Variants in MDN1 observed in about 807,000 individuals in gnomAD.
MDN1 encodes the protein midasin.
MDN1 carries 266 observed loss-of-function variants against 669.2 expected under a neutral mutation model. That is an observed-to-expected ratio of 0.40 (90% CI 0.36 to 0.44). The LOEUF (loss-of-function observed/expected upper bound fraction) is 0.44. Among genes scored for constraint, MDN1 ranks in the 20% least tolerant of loss-of-function variants. The probability of loss-of-function intolerance (pLI) is 1.00; values close to 1 mark genes in which losing one functional copy is unlikely to be tolerated. For synonymous variants in MDN1, 2,385 were observed against 2,457.1 expected (o/e 0.97, Z 0.87); for missense variants, 5,940 against 6,754.0 (o/e 0.88, Z 4.22).
chr6:89,664,496 C>A lies in MDN1; in HGVS notation c.14227G>T (p.Glu4743Ter). 6.2e-7 allele frequency: 1 copy of A among 1,613,712 alleles called. No individual in the cohort carries two copies. Among genetic ancestry groups the A allele is most frequent in the Non-Finnish European group, 8.5e-7 (1 of 1,179,914 alleles). Reference sequence around the variant, plus strand: ...ACAGATAATCTGAAACCTTGTTCTTCAAGCTCCCCATCATGCATTTTCCCA... The same window carrying A: ...ACAGATAATCTGAAACCTTGTTCTTAAAGCTCCCCATCATGCATTTTCCCA... ...FDGKMHDGEL[E>*]EQEEDDEKSD... Residue 4743 changes from glutamate (E) to a stop codon, truncating the protein, a stop_gained, in exon 85 of 102, where the codon GAA (glutamate) becomes TAA (stop). Coordinates refer to ENST00000369393, the MANE Select transcript of MDN1 (RefSeq NM_014611.3). LOFTEE classifies it high-confidence loss of function.
At chr6:89,752,465 C>G (rs2128319080) in intron 22 of MDN1, among the ~76,000 whole-genome samples, 2 of 152,316 alleles carry the variant, frequency 1.3e-5, no homozygotes, top group South Asian at 4.2e-4. Context: ...AACTCCAAGT[C>G]CCAAGGGCTC....
In MDN1 at chr6:89,754,143, GCA is replaced by G; in HGVS notation, c.2902_2903del (p.Cys968ProfsTer20). 1 of 1,614,114 alleles carries G rather than the reference GCA, an allele frequency of 6.2e-7. No individual in the cohort carries two copies. On this transcript the variant is annotated frameshift_variant, in exon 21 of 102. Coordinates refer to ENST00000369393, the MANE Select transcript of MDN1 (RefSeq NM_014611.3). LOFTEE classifies it high-confidence loss of function. ...HRPHYSLRTL[C>X]RALRFAASNP... ...TGGAGGCTGCAAATCGCAGGGCCCG[GCA>G]CAGAGTCCGAAGGCTGTAGTGAGGT...
At chr6:89,668,667 A>C (rs1237874883) in intron 83 of MDN1, among the ~76,000 whole-genome samples, 1 of 152,262 alleles carries the variant, frequency 6.6e-6, no homozygotes, top group Non-Finnish European at 1.5e-5. Flanking sequence ...ATATACTATG[A>C]AGATATATCT....
At chr6:89,675,938 C>T (rs556367830) in intron 77 of MDN1, among the ~76,000 whole-genome samples, 164 bp downstream of exon 77, 6 of 152,292 alleles carry the variant, frequency 3.9e-5, no homozygotes, top group Admixed American at 3.9e-4. Context: ...TGATTTTGCA[C>T]AAAATTACAT....
intron 12 of MDN1, among the ~76,000 whole-genome samples, chr6:89,775,039 G>GA (rs1183077448): frequency 1.3e-5 from 2 of 151,484 alleles, no homozygotes; most frequent in African/African-American, 4.8e-5. Context: ...TAAAAGGTAA[G>GA]AAAAAAAAAT....
intron 53 of MDN1, among the ~76,000 whole-genome samples, chr6:89,705,543 T>C (rs1226038447): frequency 6.6e-6 from 1 of 152,122 alleles, no homozygotes; most frequent in Non-Finnish European, 1.5e-5. Context: ...ATCCACACAA[T>C]GGAATACTAC....
Position 89,729,069 on chromosome 6 carries a change from C to G in MDN1, c.5211G>C (p.Gln1737His). 5 of 1,614,108 alleles carry G rather than the reference C, an allele frequency of 3.1e-6. No homozygotes were observed. The highest frequency in any genetic ancestry group is 2.5e-6 in the Non-Finnish European group (3 of 1,180,016). Residue 1737 changes from glutamine (Q) to histidine (H), a missense_variant, in exon 36 of 102, where the codon CAG becomes CAC. Transcript: ENST00000369393. ...LSAGTTAMNA[Q>H]RLLRATKLKK... The stretch of plus-strand genomic sequence containing the variant: ...TCAGTTTGGTAGCTCTTAAGAGCCT[C>G]TGTGCATTCATAGCAGTGGTCCCTG...
At chr6:89,782,604 A>AAAT (rs58697438) in intron 9 of MDN1, among the ~76,000 whole-genome samples, 1,599 of 144,164 alleles carry the variant, frequency 0.011, 15 homozygotes, top group African/African-American at 0.027. Context: ...TTTCCTCAAA[A>AAAT]AATAATAATA....
At chr6:89,771,645 T>C (rs1818084114) in intron 14 of MDN1, 24 bp from the exon 15 acceptor site, 1 of 1,599,500 alleles carries the variant, frequency 6.3e-7, no homozygotes, top group Non-Finnish European at 8.6e-7. Context: ...AGTGCAAAAG[T>C]GTTACTCCAA....
At chr6:89,767,815 G>A (rs1817873358) in intron 15 of MDN1, among the ~76,000 whole-genome samples, 2 of 151,832 alleles carry the variant, frequency 1.3e-5, no homozygotes, top group Non-Finnish European at 2.9e-5. Context: ...GGAGGTCAAG[G>A]TGGGAGGATC....
intron 31 of MDN1, among the ~76,000 whole-genome samples, chr6:89,740,911 T>C (rs758879522): frequency 5.3e-5 from 8 of 152,096 alleles, no homozygotes; most frequent in Non-Finnish European, 8.8e-5. Flanking sequence ...ACACAAAGGA[T>C]TCTATTGAAT....
intron 1 of MDN1, among the ~76,000 whole-genome samples, chr6:89,813,327 A>C (rs1768574437): frequency 6.6e-6 from 1 of 152,128 alleles, no homozygotes. Context: ...AGGCAGGAGG[A>C]TCACCTGAGT....
Position 89,749,369 on chromosome 6 carries a change from C to G in MDN1, c.3616G>C (p.Val1206Leu). The G allele has an allele frequency of 1.2e-6, 2 of 1,613,900 alleles. No homozygotes were observed. The highest frequency in any genetic ancestry group is 8.5e-7 in the Non-Finnish European group (1 of 1,179,946). ...CGATTCCTGAAGGCTCTAGAAAGGA[C>G]CTAGACAAAGCACAGGAAGAATGCA... ...NPPGLYGGRKVLSRAFRNRFV... is the reference protein window; with the variant it reads ...NPPGLYGGRKLLSRAFRNRFV... The change falls in exon 26 of 102, where the codon GTC becomes CTC. Residue 1206 changes from valine (V) to leucine (L), a missense_variant and splice_region_variant. Physicochemically the swap from Val to Leu is conservative, Grantham distance 32. This residue lies in a region of MDN1 where 2,292 missense variants were observed against 2,638.3 expected (regional missense o/e 0.87). Transcript: ENST00000369393.
intron 2 of MDN1, among the ~76,000 whole-genome samples, chr6:89,796,331 AAAAAAAAAAAAAAAAAAAAC>A (rs1819598243): frequency 1.9e-5 from 2 of 106,260 alleles, no homozygotes; most frequent in East Asian, 2.3e-4. Flanking sequence ...TCTCAAAAAA[AAAAAAAAAAAAAAAAAAAAC>A]AAAAAAAAAA....
In MDN1 at chr6:89,803,318, T is replaced by C. The variant is rs1268512340; in HGVS notation, c.329+10A>G. ...CAAGGAGAAATGCGAATAATAAAAT[T>C]GCTACTCACGGGAGGACATCAGGAT... is the stretch of plus-strand genomic sequence containing the variant. On this transcript the variant is annotated intron_variant, in intron 2 of 101. Coordinates refer to ENST00000369393, the MANE Select transcript of MDN1 (RefSeq NM_014611.3). 1.9e-6 allele frequency: 3 copies of C among 1,608,314 alleles called. No homozygotes were observed. The highest frequency in any genetic ancestry group is 1.7e-6 in the Non-Finnish European group (2 of 1,174,784).
rs115635255 is a variant in MDN1, at chr6:89,664,562, T to C, written c.14161A>G (p.Lys4721Glu). ...ATCTCAATGGCATTATCCTCGCCCT[T>C]AATATCAGATTTTGAATCAGGATCC... is the stretch of plus-strand genomic sequence containing the variant. The part of the protein sequence containing the change: ...KEDPDSKSDI[K>E]GEDNAIEMSE... Residue 4721 changes from lysine to glutamate, a missense_variant, in exon 85 of 102, where the codon AAG (lysine) becomes GAG (glutamate). Coordinates refer to ENST00000369393, the MANE Select transcript of MDN1 (RefSeq NM_014611.3). 1.5e-5 allele frequency: 25 copies of C among 1,613,764 alleles called. No individual in the cohort carries two copies. In the African/African-American group the frequency reaches 2.1e-4, roughly 14 times the overall value.
chr6:89,670,170 A>ATATTTTTTTTTTTTTT (rs1444537561), intron 83 of MDN1, among the ~76,000 whole-genome samples: 4 of 23,412 alleles, frequency 1.7e-4, no homozygotes, highest in African/African-American at 7.7e-4. Context: ...ATATATATAT[A>ATATTTTTTTTTTTTTT]TTTTTTTTTT....
chr6:89,716,886 T>G, intron 43 of MDN1, 77 bp from the exon 44 acceptor site: 1 of 1,415,402 alleles, frequency 7.1e-7, no homozygotes, highest in Non-Finnish European at 9.4e-7. Context: ...AAAAGGAAGC[T>G]TGATACTTCT....
At chr6:89,660,314 A>C (rs1809641241) in intron 88 of MDN1, among the ~76,000 whole-genome samples, 3 of 152,018 alleles carry the variant, frequency 2.0e-5, no homozygotes, top group South Asian at 4.1e-4. Flanking sequence ...GCTCCTGAGG[A>C]GCTGGGACTA....
Sources: gnomAD v4.1 joint callset for allele counts (sites outside exome capture counted in the v4.1 genomes callset) on GRCh38, gnomAD v4.1.1 for gene constraint, gnomAD v4.1.1 regional missense constraint, MANE v1.5 for transcripts, NCBI Gene and HGNC (gene_info 2026-07-23, HGNC 2026-07-21) for gene names.